Variants in XAGE5 observed in about 807,000 individuals in gnomAD.
The protein encoded by XAGE5 is G antigen, family D, 5.
XAGE5 carries 13 observed loss-of-function variants against 13.1 expected under a neutral mutation model. The ratio of observed to expected loss-of-function variants is 0.99; its 90% CI spans 0.64 to 1.57. The LOEUF (loss-of-function observed/expected upper bound fraction) is 1.57, where lower values mean the gene tolerates loss of function less well. Ranked by LOEUF, XAGE5 falls within the 40% of genes most tolerant of loss-of-function variation. The pLI is 0.00. For synonymous variants in XAGE5, 17 were observed against 25.0 expected (o/e 0.68, Z 0.96); for missense variants, 86 against 77.6 (o/e 1.11, Z -0.41).
Position 52,815,677 on chromosome X carries a change from T to C in XAGE5, c.304+460T>C, listed in dbSNP as rs781987589. 8.0e-5 allele frequency among the ~76,000 whole-genome samples: 9 copies of C among 112,658 alleles called. No homozygotes were observed. The South Asian group carries it at 3.3e-3, about 41-fold the overall frequency. On this transcript the variant is annotated intron_variant, in intron 5 of 5. Coordinates refer to ENST00000375501, the MANE Select transcript of XAGE5 (RefSeq NM_001386970.1). ...AAGTAGTGAATGCACATCAGATAGA[T>C]TAAAATCCATTTCATTGCTGATTTC...
chrX:52,814,310 G>A (rs782185347), intron 4 of XAGE5: 21 of 319,427 alleles, frequency 6.6e-5, no homozygotes, highest in Non-Finnish European at 1.1e-4. Flanking sequence ...AGCATGTTTC[G>A]TAAAAGGTGG....
chrX:52,814,675 C>G (rs781954785), intron 4 of XAGE5, among the ~76,000 whole-genome samples: 1 of 111,652 alleles, frequency 9.0e-6, no homozygotes, highest in Admixed American at 9.5e-5. Flanking sequence ...CATATAGGGC[C>G]TTTCAACCTA....
At chrX:52,812,440 G>A (rs868992155) in intron 2 of XAGE5, 119 bp from the exon 3 acceptor site, 18 of 556,150 alleles carry the variant, frequency 3.2e-5, no homozygotes, top group African/African-American at 1.2e-4. Context: ...ACCCAGCTAC[G>A]TTTTTGTATT....
At chrX:52,814,089 A>G (rs138313288) in intron 4 of XAGE5, 2,681 of 234,968 alleles carry the variant, frequency 0.011, 32 homozygotes, top group Middle Eastern at 0.026. Flanking sequence ...AGGAATTCAT[A>G]TTTTGTTCCA....
At chrX:52,817,801 A>T (rs782775345) in intron 5 of XAGE5, among the ~76,000 whole-genome samples, 1 of 110,181 alleles carries the variant, frequency 9.1e-6, no homozygotes, top group South Asian at 3.8e-4. Context: ...TTCTGGAGGA[A>T]TTTTTTTTTC....
chrX:52,814,557 C>T (rs1396445058), intron 4 of XAGE5, among the ~76,000 whole-genome samples: 1 of 111,965 alleles, frequency 8.9e-6, no homozygotes, highest in Admixed American at 9.4e-5. Flanking sequence ...GTCAACAATG[C>T]TCATTAATTT....
intron 5 of XAGE5, among the ~76,000 whole-genome samples, chrX:52,816,427 C>T (rs1222336245): frequency 1.8e-5 from 2 of 112,247 alleles, no homozygotes; most frequent in African/African-American, 3.2e-5. Flanking sequence ...AAGATGCCTG[C>T]GCTAAGCATG....
rs1926839056 is a variant in XAGE5, at chrX:52,813,240, T to G, written c.173T>G (p.Ile58Ser). The change falls in exon 4 of 6, where the codon ATT (isoleucine) becomes AGT (serine). Residue 58 changes from isoleucine (I) to serine (S), a missense_variant. By Grantham distance (142) the Ile-to-Ser change is moderately radical. Coordinates refer to ENST00000375501, the MANE Select transcript of XAGE5 (RefSeq NM_001386970.1). ...KREDDQGAAE[I>S]QVPNLEADLQ... is the part of the protein sequence containing the mutation. Reference sequence around the variant, plus strand: ...GAAGATGATCAGGGTGCAGCTGAGATTCAAGGTGCTGGGAAGGGAAAGAAG... The same window carrying G: ...GAAGATGATCAGGGTGCAGCTGAGAGTCAAGGTGCTGGGAAGGGAAAGAAG... The G allele has an allele frequency of 8.3e-7, 1 of 1,208,234 alleles. No individual in the cohort carries two copies. The highest frequency in any genetic ancestry group is 1.1e-6 in the Non-Finnish European group (1 of 893,368).
intron 5 of XAGE5, among the ~76,000 whole-genome samples, chrX:52,817,063 G>GA (rs1409150440): frequency 1.8e-5 from 2 of 111,463 alleles, no homozygotes; most frequent in African/African-American, 3.3e-5. Context: ...AAACAATCTT[G>GA]AAAAAAATGG....
Position 52,813,245 on chromosome X carries a change from G to C in XAGE5, c.178G>C (p.Val60Leu). The change falls in exon 4 of 6, where the codon GTG (valine) becomes CTG (leucine). Residue 60 changes from valine to leucine, a missense_variant and splice_region_variant. Transcript: ENST00000375501. ...TGATCAGGGTGCAGCTGAGATTCAA[G>C]GTGCTGGGAAGGGAAAGAAGGAATG... The part of the protein sequence containing the change: ...EDDQGAAEIQ[V>L]PNLEADLQEL... The C allele has an allele frequency of 8.3e-7, 1 of 1,208,231 alleles. No individual in the cohort carries two copies. Among genetic ancestry groups the C allele is most frequent in the Non-Finnish European group, 1.1e-6 (1 of 892,911 alleles).
At position 52,813,248 on chromosome X, in the gene XAGE5, G is replaced by A; in HGVS notation, c.178+3G>A. 8.3e-7 allele frequency: 1 copy of A among 1,206,167 alleles called. No individual in the cohort carries two copies. The highest frequency in any genetic ancestry group is 2.2e-5 in the Admixed American group (1 of 45,865). ...TCAGGGTGCAGCTGAGATTCAAGGT[G>A]CTGGGAAGGGAAAGAAGGAATGTCT... On this transcript the variant is annotated splice_donor_region_variant and intron_variant, in intron 4 of 5. Transcript: ENST00000375501.
At chrX:52,811,807 C>G (rs956356085) in intron 2 of XAGE5, among the ~76,000 whole-genome samples, 88 bp downstream of exon 2, 1 of 110,635 alleles carries the variant, frequency 9.0e-6, no homozygotes, top group Non-Finnish European at 1.9e-5. Context: ...GGTGCCCGCC[C>G]GGTGAGGACT....
At chrX:52,812,025 C>T (rs1926807633) in intron 2 of XAGE5, among the ~76,000 whole-genome samples, 1 of 111,540 alleles carries the variant, frequency 9.0e-6, no homozygotes, top group African/African-American at 3.3e-5. Flanking sequence ...GAAACCAAAC[C>T]TCATTGGAAA....
At position 52,811,730 on chromosome X, in the gene XAGE5, G is replaced by A. The variant is rs1347805834; in HGVS notation, c.-9+11G>A. On this transcript the variant is annotated intron_variant, in intron 2 of 5. Transcript: ENST00000375501. Reference sequence around the variant, plus strand: ...GGAATGTCGTGGACGGTAAGGAAGGGGCCTAGAAAGTGGGAACACTCCGGA... The same window carrying A: ...GGAATGTCGTGGACGGTAAGGAAGGAGCCTAGAAAGTGGGAACACTCCGGA... 9.1e-6 allele frequency among the ~76,000 whole-genome samples: 1 copy of A among 110,315 alleles called. No individual in the cohort carries two copies. Among genetic ancestry groups the A allele is most frequent in the Non-Finnish European group, 1.9e-5 (1 of 52,832 alleles).
chrX:52,814,484 GAC>G (rs1182850086), intron 4 of XAGE5: 5 of 193,661 alleles, frequency 2.6e-5, no homozygotes, highest in African/African-American at 1.5e-4. Context: ...ACTAATCAGA[GAC>G]AGAATTTGGG....
At position 52,817,480 on chromosome X, in the gene XAGE5, G is replaced by A. The variant is rs139364352; in HGVS notation, c.305-711G>A. On this transcript the variant is annotated intron_variant, in intron 5 of 5. Transcript: ENST00000375501. ...TGACCATTTAATTAATTGTACAAAC[G>A]GGAATAGTTTCCAGTGAAAAAAGTG... Among the ~76,000 whole-genome samples the A allele has an allele frequency of 3.4e-4, 38 of 111,318 alleles. No individual in the cohort carries two copies. In the East Asian group the frequency reaches 9.8e-3, roughly 29 times the overall value.
chrX:52,814,476 T>A, intron 4 of XAGE5: 1 of 199,451 alleles, frequency 5.0e-6, no homozygotes, highest in South Asian at 7.5e-5. Flanking sequence ...ATTTTCAAAC[T>A]AATCAGAGAC....
intron 5 of XAGE5, among the ~76,000 whole-genome samples, chrX:52,816,824 A>G (rs1360616147): frequency 7.1e-5 from 8 of 112,146 alleles, no homozygotes; most frequent in Non-Finnish European, 1.1e-4. Flanking sequence ...GGACAGTCAT[A>G]GCGTTAAATG....
chrX:52,812,598 G>T lies in XAGE5; in HGVS notation c.32G>T (p.Arg11Ile). The change falls in exon 3 of 6, where the codon AGA becomes ATA. Residue 11 changes from arginine to isoleucine, a missense_variant. By Grantham distance (97) the Arg-to-Ile change is moderately conservative. Transcript: ENST00000375501. MSWRGRRYRP[R>I]RCLRLAQLVG... ...TGGCGAGGAAGAAGATATAGACCAA[G>T]ACGATGTTTACGACTTGCTCAGCTG... 8.3e-7 allele frequency: 1 copy of T among 1,211,737 alleles called. No individual in the cohort carries two copies. The highest frequency in any genetic ancestry group is 1.1e-6 in the Non-Finnish European group (1 of 895,520).
Sources: allele counts gnomAD v4.1 joint callset (sites outside exome capture counted in the v4.1 genomes callset), GRCh38; gene constraint gnomAD v4.1.1; transcripts MANE v1.5; gene names NCBI Gene and HGNC (gene_info 2026-07-23, HGNC 2026-07-21).